The following IL16 variants were observed in gnomAD, a reference collection of about 807,000 sequenced individuals.
The protein encoded by IL16 is interleukin 16.
A neutral mutation model predicts 110.1 loss-of-function variants in IL16; 67 were observed. The observed-to-expected ratio is 0.61, with a 90% CI of 0.50 to 0.75. IL16 has a LOEUF of 0.75. IL16 is among the 30% of genes least tolerant of loss of function. The pLI is 0.00. For missense variants in IL16, 1,545 were observed against 1,655.0 expected, an observed-to-expected ratio of 0.93 and a Z score of 1.15; for synonymous variants, 689 against 662.9, an observed-to-expected ratio of 1.04 and a Z score of -0.61.
chr15:81,193,965 A>G (rs888832774), upstream of IL16, among the ~76,000 whole-genome samples: 2 of 152,120 alleles, frequency 1.3e-5, no homozygotes, highest in Non-Finnish European at 2.9e-5. Flanking sequence ...TTGTTAAATT[A>G]TATTCTGCGT....
chr15:81,204,080 A>T (rs1000615974), intron 1 of IL16, among the ~76,000 whole-genome samples: 88 of 151,926 alleles, frequency 5.8e-4, no homozygotes, highest in Admixed American at 1.0e-3. Flanking sequence ...TTCTCTTTGA[A>T]GCAATTGTGA....
intron 11 of IL16, among the ~76,000 whole-genome samples, chr15:81,291,657 G>C (rs1455372115): frequency 6.6e-6 from 1 of 152,126 alleles, no homozygotes; most frequent in Non-Finnish European, 1.5e-5. Context: ...CTAGAGAGAA[G>C]GGCCTCTCAA....
chr15:81,216,469 C>A (rs2142007464), intron 1 of IL16, among the ~76,000 whole-genome samples: 1 of 152,260 alleles, frequency 6.6e-6, no homozygotes, highest in African/African-American at 2.4e-5. Context: ...CTTCTACCCA[C>A]CCCTGGCTTT....
intron 3 of IL16, among the ~76,000 whole-genome samples, chr15:81,263,043 C>G (rs1327494815): frequency 2.0e-5 from 3 of 152,042 alleles, no homozygotes; most frequent in Non-Finnish European, 1.5e-5. Context: ...TTTGTTTGTT[C>G]TTGGCCTCTT....
intron 2 of IL16, among the ~76,000 whole-genome samples, chr15:81,229,448 A>G (rs1896899539): frequency 6.6e-6 from 1 of 152,068 alleles, no homozygotes; most frequent in Non-Finnish European, 1.5e-5. Flanking sequence ...AGAAGAGGTG[A>G]TGAGCACAGT....
chr15:81,297,074 C>T lies in IL16; in HGVS notation c.2049C>T (p.Ser683=), dbSNP rs1209882594. The change falls in exon 13 of 19, where the codon AGC becomes AGT. Residue 683 remains serine (S), a synonymous_variant. Transcript: ENST00000683961. ...TEGEPGWRRA[S]PVTQTSPIKH... ...GCGAGCCAGGGTGGAGAAGAGCCAGCCCAGGTAAGCTTTCATTGAGATCTT... is the reference window on the plus strand; with the variant it reads ...GCGAGCCAGGGTGGAGAAGAGCCAGTCCAGGTAAGCTTTCATTGAGATCTT... 1.2e-6 allele frequency: 2 copies of T among 1,607,590 alleles called. No individual in the cohort carries two copies. The highest frequency in any genetic ancestry group is 2.7e-5 in the African/African-American group (2 of 74,478).
chr15:81,187,352 C>G (rs537680870), intron 1 of IL16, among the ~76,000 whole-genome samples: 1 of 152,170 alleles, frequency 6.6e-6, no homozygotes, highest in Non-Finnish European at 1.5e-5. Context: ...AATCGCTACA[C>G]TTTTGTAGGC....
At chr15:81,233,614 A>T (rs1897087081) in intron 2 of IL16, among the ~76,000 whole-genome samples, 1 of 151,992 alleles carries the variant, frequency 6.6e-6, no homozygotes, top group South Asian at 2.1e-4. Context: ...ACACACACAT[A>T]TATACACACA....
At chr15:81,258,816 A>G (rs970865698) in intron 2 of IL16, among the ~76,000 whole-genome samples, 8 of 151,762 alleles carry the variant, frequency 5.3e-5, no homozygotes, top group African/African-American at 1.9e-4. Flanking sequence ...CAACATGTGC[A>G]CACACACACA....
chr15:81,281,925 A>G (rs1001752332), intron 8 of IL16, among the ~76,000 whole-genome samples: 14 of 152,130 alleles, frequency 9.2e-5, no homozygotes, highest in South Asian at 4.1e-4. Context: ...TCCATGACCC[A>G]TAGTTCTTTC....
chr15:81,229,136 C>G (rs1224842295), intron 2 of IL16, among the ~76,000 whole-genome samples: 1 of 152,124 alleles, frequency 6.6e-6, no homozygotes, highest in African/African-American at 2.4e-5. Flanking sequence ...ATGTGCTAGA[C>G]AGTGTGTAAG....
In IL16 at chr15:81,292,646, A is replaced by C; in HGVS notation, c.1511A>C (p.Gln504Pro). ...TCAGCACCCCCGCATCGCAGGGCTC[A>C]GAAGGTCATGATCCGCTCCAGCAGT... is the stretch of plus-strand genomic sequence containing the variant. Reference protein sequence around the residue: ...KNSAPPHRRAQKVMIRSSSDS... With the variant: ...KNSAPPHRRAPKVMIRSSSDS... The change falls in exon 12 of 19, where the codon CAG becomes CCG. Residue 504 changes from glutamine (Q) to proline (P), a missense_variant. Physicochemically the swap from Gln to Pro is moderately conservative, Grantham distance 76 (BLOSUM62 -1). Transcript: ENST00000683961. 2 of 1,613,698 alleles carry C rather than the reference A, an allele frequency of 1.2e-6. No individual in the cohort carries two copies. The highest frequency in any genetic ancestry group is 1.7e-6 in the Non-Finnish European group (2 of 1,179,628).
At position 81,301,366 on chromosome 15, in the gene IL16, AC is replaced by A; in HGVS notation, c.3173del (p.Thr1058LysfsTer28). The A allele has an allele frequency of 1.9e-6, 3 of 1,612,382 alleles. No homozygotes were observed. The highest frequency in any genetic ancestry group is 2.5e-6 in the Non-Finnish European group (3 of 1,179,546). ...SLNLSELREY[T>X]EGLTEAKEDD... ...AAGCCTTTCAGAGCTGAGAGAATAT[AC>A]AGAGGGTCTCACGGAAGCCAAGGAA... is the stretch of plus-strand genomic sequence containing the variant. On this transcript the variant is annotated frameshift_variant, in exon 15 of 19. Transcript: ENST00000683961. LOFTEE classifies it high-confidence loss of function.
chr15:81,271,602 C>T (rs1431086332), intron 5 of IL16, among the ~76,000 whole-genome samples: 1 of 152,284 alleles, frequency 6.6e-6, no homozygotes, highest in South Asian at 2.1e-4. Context: ...GGCTGTCTGA[C>T]CCCTGGGCCT....
intron 3 of IL16, among the ~76,000 whole-genome samples, chr15:81,264,385 C>A (rs1391950361): frequency 6.6e-6 from 1 of 152,206 alleles, no homozygotes; most frequent in African/African-American, 2.4e-5. Flanking sequence ...TTGTTCCTTT[C>A]CTCATCCCCT....
At chr15:81,228,512 T>C (rs531093680) in intron 2 of IL16, among the ~76,000 whole-genome samples, 9 of 151,856 alleles carry the variant, frequency 5.9e-5, no homozygotes, top group African/African-American at 2.2e-4. Flanking sequence ...TTAGTAGAAA[T>C]GGGGATTCAC....
At chr15:81,295,483 A>G (rs1282788118) in intron 12 of IL16, 1 of 1,289,754 alleles carries the variant, frequency 7.8e-7, no homozygotes, top group Admixed American at 2.3e-5. Context: ...ACAATTCATG[A>G]ATGTCAACAG....
At chr15:81,243,196 G>T (rs1897411587) in intron 2 of IL16, among the ~76,000 whole-genome samples, 1 of 12,558 alleles carries the variant, frequency 8.0e-5, no homozygotes, top group African/African-American at 1.7e-4. Flanking sequence ...TTTTTTTTGA[G>T]GCAAGGTCTT....
At chr15:81,271,497 G>A (rs550429551) in intron 5 of IL16, among the ~76,000 whole-genome samples, 142 of 152,162 alleles carry the variant, frequency 9.3e-4, no homozygotes, top group South Asian at 1.7e-3. Context: ...GTGTGTATGT[G>A]TGTATATAGA....
Sources: allele counts gnomAD v4.1 joint callset (sites outside exome capture counted in the v4.1 genomes callset), GRCh38; gene constraint gnomAD v4.1.1; transcripts MANE v1.5; gene names NCBI Gene and HGNC (gene_info 2026-07-23, HGNC 2026-07-21).